Variants in DNER observed in about 807,000 individuals in gnomAD.
DNER encodes delta/notch like EGF repeat containing, also known as delta and Notch-like epidermal growth factor-related receptor.
DNER carries 33 observed loss-of-function variants against 78.2 expected under a neutral mutation model. The observed-to-expected ratio is 0.42, with a 90% CI of 0.32 to 0.56. The LOEUF is 0.56. Among genes scored for constraint, DNER ranks in the 20% least tolerant of loss-of-function variants. DNER has a pLI of 0.11. For synonymous variants in DNER, 417 were observed against 384.8 expected, an observed-to-expected ratio of 1.08 and a Z score of -0.98; for missense variants, 918 against 975.3, an observed-to-expected ratio of 0.94 and a Z score of 0.78.
intron 10 of DNER, among the ~76,000 whole-genome samples, chr2:229,395,597 C>T (rs1200041905): frequency 6.6e-6 from 1 of 152,170 alleles, no homozygotes; most frequent in Non-Finnish European, 1.5e-5. Flanking sequence ...AAACTGCATG[C>T]TTTAAAGGGC....
chr2:229,602,323 A>C (rs1295449258), intron 1 of DNER, among the ~76,000 whole-genome samples: 1 of 152,206 alleles, frequency 6.6e-6, no homozygotes, highest in East Asian at 1.9e-4. Flanking sequence ...CTAGGAATAG[A>C]AGGAAATTTC....
intron 1 of DNER, among the ~76,000 whole-genome samples, chr2:229,645,027 A>T (rs546989706): frequency 1.0e-3 from 157 of 152,010 alleles, no homozygotes; most frequent in African/African-American, 3.7e-3. Flanking sequence ...AAAAAAAAAA[A>T]TTTAAGAGAC....
In DNER at chr2:229,621,502, G is replaced by A. The variant is rs568678031; in HGVS notation, c.277-29614C>T. Among the ~76,000 whole-genome samples the A allele has an allele frequency of 2.2e-4, 33 of 151,386 alleles. No individual in the cohort carries two copies. In the South Asian group the frequency reaches 6.7e-3, roughly 31 times the overall value. ...ACAATACTCCCCACACTTCCCACCT[G>A]CTCCCAACAGGAGGATCTGAGGCCA... is the stretch of plus-strand genomic sequence containing the variant. On this transcript the variant is annotated intron_variant, in intron 1 of 12. Coordinates refer to ENST00000341772, the MANE Select transcript of DNER (RefSeq NM_139072.4).
intron 1 of DNER, among the ~76,000 whole-genome samples, chr2:229,643,095 T>C (rs1479388517): frequency 6.6e-6 from 1 of 152,060 alleles, no homozygotes; most frequent in Non-Finnish European, 1.5e-5. Context: ...CATTCACCTT[T>C]ACTCCCACCT....
rs62191316 is a variant in DNER, at chr2:229,430,800, G to A, written c.1487-12570C>T. On this transcript the variant is annotated intron_variant, in intron 8 of 12. Transcript: ENST00000341772. ...TAACACAACTCTAAATTATGTCACC[G>A]ATTACAAGGGAAATGATGACCATTC... 4.6e-3 allele frequency among the ~76,000 whole-genome samples: 701 copies of A among 151,660 alleles called. 1 individual carries two copies. Among genetic ancestry groups the A allele is most frequent in the Non-Finnish European group, 8.4e-3 (569 of 67,914 alleles).
intron 3 of DNER, 29 bp from the exon 4 acceptor site, chr2:229,586,053 G>A: frequency 6.4e-7 from 1 of 1,571,746 alleles, no homozygotes; most frequent in African/African-American, 1.4e-5. Context: ...TAAACAGAAA[G>A]CTCCTTTCAG....
rs372749536 is a variant in DNER, at chr2:229,367,168, G to A, written c.1856-49C>T. On this transcript the variant is annotated intron_variant, in intron 11 of 12. Coordinates refer to ENST00000341772, the MANE Select transcript of DNER (RefSeq NM_139072.4). ...GCTGGGTATGAGTTGTCACCTTTGA[G>A]AATGAGAAGGCCTTTTTCATCTTTG... 1.1e-5 allele frequency: 18 copies of A among 1,607,852 alleles called. No individual in the cohort carries two copies. The East Asian group carries it at 2.2e-4, about 20-fold the overall frequency.
intron 1 of DNER, among the ~76,000 whole-genome samples, chr2:229,604,812 G>A (rs1306380958): frequency 2.0e-5 from 3 of 152,134 alleles, no homozygotes; most frequent in African/African-American, 7.2e-5. Context: ...TTTATCTGGA[G>A]ATAAGCCTTC....
At chr2:229,386,872 T>G (rs1474499548) in intron 11 of DNER, among the ~76,000 whole-genome samples, 1 of 152,168 alleles carries the variant, frequency 6.6e-6, no homozygotes, top group Non-Finnish European at 1.5e-5. Flanking sequence ...TTTTATACTC[T>G]TGGTGGGAAT....
intron 1 of DNER, among the ~76,000 whole-genome samples, chr2:229,641,539 A>G (rs1479461071): frequency 8.7e-6 from 1 of 114,660 alleles, no homozygotes; most frequent in African/African-American, 3.3e-5. Context: ...ACACTTGCTC[A>G]CCTAGTTAAT....
In DNER at chr2:229,675,033, G is replaced by A. The variant is rs546252503; in HGVS notation, c.276+39115C>T. Among the ~76,000 whole-genome samples, 73 of 152,308 alleles carry A rather than the reference G, an allele frequency of 4.8e-4. 1 individual carries two copies. In the South Asian group the frequency reaches 0.015, roughly 30 times the overall value. ...CATTGTTCTGGAAGGTGGCCATCCTGTTACACTGTTCAAAGCACAGGCAGT... is the reference window on the plus strand; with the variant it reads ...CATTGTTCTGGAAGGTGGCCATCCTATTACACTGTTCAAAGCACAGGCAGT... On this transcript the variant is annotated intron_variant, in intron 1 of 12. Coordinates refer to ENST00000341772, the MANE Select transcript of DNER (RefSeq NM_139072.4).
intron 7 of DNER, among the ~76,000 whole-genome samples, chr2:229,465,058 G>C (rs538313878): frequency 6.6e-6 from 1 of 152,268 alleles, no homozygotes; most frequent in South Asian, 2.1e-4. Context: ...AGTACGATTT[G>C]ACCCAGCAAT....
chr2:229,468,697 G>A (rs540821978), intron 7 of DNER, among the ~76,000 whole-genome samples: 100 of 152,270 alleles, frequency 6.6e-4, no homozygotes, highest in Non-Finnish European at 1.1e-3. Flanking sequence ...CCAGCTCTGC[G>A]TGAATTACTC....
intron 2 of DNER, among the ~76,000 whole-genome samples, chr2:229,589,157 G>T (rs1574916122): frequency 1.3e-5 from 2 of 152,324 alleles, no homozygotes; most frequent in East Asian, 3.9e-4. Flanking sequence ...GCTATGTCCA[G>T]TGAGCATAAA....
chr2:229,466,183 C>T (rs994972907), intron 7 of DNER, among the ~76,000 whole-genome samples: 2 of 152,102 alleles, frequency 1.3e-5, no homozygotes, highest in African/African-American at 2.4e-5. Flanking sequence ...ACTCTTGGGC[C>T]ATGTGCAATC....
At chr2:229,613,761 A>G (rs1404814348) in intron 1 of DNER, among the ~76,000 whole-genome samples, 3 of 152,194 alleles carry the variant, frequency 2.0e-5, no homozygotes, top group African/African-American at 7.2e-5. Context: ...TTTAAAGGAA[A>G]GACAGTTTGA....
At chr2:229,391,211 G>A (rs985656537) in intron 10 of DNER, among the ~76,000 whole-genome samples, 10 of 152,016 alleles carry the variant, frequency 6.6e-5, no homozygotes, top group African/African-American at 1.9e-4. Flanking sequence ...CCATATTAAC[G>A]GCATTATGTT....
At chr2:229,458,813 G>C (rs968001080) in intron 7 of DNER, among the ~76,000 whole-genome samples, 3 of 151,656 alleles carry the variant, frequency 2.0e-5, no homozygotes, top group Admixed American at 2.0e-4. Flanking sequence ...ATAAAGTGTA[G>C]AAAGGAAAAT....
chr2:229,504,553 C>G (rs1331339462), intron 6 of DNER, among the ~76,000 whole-genome samples: 1 of 152,158 alleles, frequency 6.6e-6, no homozygotes, highest in Non-Finnish European at 1.5e-5. Flanking sequence ...TGATGAACAA[C>G]AATAAAAGAT....
Sources: allele counts gnomAD v4.1 joint callset (sites outside exome capture counted in the v4.1 genomes callset), GRCh38; gene constraint gnomAD v4.1.1; transcripts MANE v1.5; gene names NCBI Gene and HGNC (gene_info 2026-07-23, HGNC 2026-07-21).